Variants in GLYAT observed in about 807,000 individuals in gnomAD.
GLYAT encodes the protein glycine-N-acyltransferase.
A neutral mutation model predicts 22.8 loss-of-function variants in GLYAT; 25 were observed. The observed-to-expected ratio is 1.09, with a 90% confidence interval of 0.80 to 1.53. The LOEUF (loss-of-function observed/expected upper bound fraction) is 1.53. GLYAT is among the 40% of genes most tolerant of loss of function. The pLI is 0.00. For missense variants in GLYAT, 411 were observed against 353.9 expected (o/e 1.16, Z -1.29); for synonymous variants, 140 against 122.7 (o/e 1.14, Z -0.93).
chr11:58,723,364 T>G (rs974441305), intron 2 of GLYAT, among the ~76,000 whole-genome samples: 2 of 152,094 alleles, frequency 1.3e-5, no homozygotes, highest in Non-Finnish European at 2.9e-5. Context: ...GTGGGTAACT[T>G]TAGATTTGGA....
intron 1 of GLYAT, among the ~76,000 whole-genome samples, 193 bp downstream of exon 1, chr11:58,731,642 A>C (rs1856872837): frequency 6.6e-6 from 1 of 152,206 alleles, no homozygotes; most frequent in Admixed American, 6.6e-5. Context: ...TTATGAAGCA[A>C]ATTAATATAT....
In GLYAT at chr11:58,709,779, C is replaced by T. The variant is rs1368437872; in HGVS notation, c.878G>A (p.Cys293Tyr). Residue 293 changes from cysteine (C) to tyrosine (Y), a missense_variant, in exon 6 of 6, where the codon TGT becomes TAT. Cys to Tyr is a radical substitution (Grantham distance 194). Coordinates refer to ENST00000344743, the MANE Select transcript of GLYAT (RefSeq NM_201648.3). ...TCAGGATTGGCATCACAGAGGTACA[C>T]AGTTCCACTGGTTCCAGCTTCTGGG... ...PIPRSWNQWN[C>Y]VPL 1.9e-6 allele frequency: 3 copies of T among 1,610,524 alleles called. No homozygotes were observed. Among genetic ancestry groups the T allele is most frequent in the South Asian group, 2.2e-5 (2 of 90,274 alleles).
chr11:58,726,858 G>A (rs1856815946), intron 1 of GLYAT, among the ~76,000 whole-genome samples: 1 of 152,082 alleles, frequency 6.6e-6, no homozygotes, highest in Non-Finnish European at 1.5e-5. Flanking sequence ...TACAAAAACA[G>A]CAATGCTTGG....
rs767372070 is a variant in GLYAT, at chr11:58,712,813, T to C, written c.263A>G (p.Glu88Gly). ...GATGAGTTCTGGTGATCCAAGGAATTCCTGACAGTTTTGGGGATCTTTGGA... is the reference window on the plus strand; with the variant it reads ...GATGAGTTCTGGTGATCCAAGGAATCCCTGACAGTTTTGGGGATCTTTGGA... ...IYSKDPQNCQ[E>G]FLGSPELINW... Residue 88 changes from glutamate (E) to glycine (G), a missense_variant, in exon 4 of 6, where the codon GAA becomes GGA. Coordinates refer to ENST00000344743, the MANE Select transcript of GLYAT (RefSeq NM_201648.3). 3.7e-6 allele frequency: 6 copies of C among 1,611,622 alleles called. No homozygotes were observed. Among genetic ancestry groups the C allele is most frequent in the Non-Finnish European group, 1.7e-6 (2 of 1,177,826 alleles).
chr11:58,721,301 G>A (rs2134490461), intron 2 of GLYAT, among the ~76,000 whole-genome samples: 1 of 151,874 alleles, frequency 6.6e-6, no homozygotes, highest in South Asian at 2.1e-4. Flanking sequence ...GGTACAGAGA[G>A]AAAAAGTCTG....
intron 1 of GLYAT, among the ~76,000 whole-genome samples, chr11:58,730,887 G>A (rs1206178971): frequency 6.6e-6 from 1 of 152,130 alleles, no homozygotes; most frequent in African/African-American, 2.4e-5. Context: ...TTCCAACAGA[G>A]TGATGCAACC....
At chr11:58,725,087 T>C (rs570955293) in intron 1 of GLYAT, among the ~76,000 whole-genome samples, 14 of 152,252 alleles carry the variant, frequency 9.2e-5, no homozygotes, top group African/African-American at 3.4e-4. Flanking sequence ...ATATATTGCA[T>C]GATGTTTTGA....
At position 58,724,483 on chromosome 11, in the gene GLYAT, A is replaced by G; in HGVS notation, c.14T>C (p.Leu5Ser). 1 of 1,603,314 alleles carries G rather than the reference A, an allele frequency of 6.2e-7. No individual in the cohort carries two copies. Among genetic ancestry groups the G allele is most frequent in the Non-Finnish European group, 8.5e-7 (1 of 1,171,382 alleles). Residue 5 changes from leucine to serine, a missense_variant, in exon 2 of 6, where the codon TTG becomes TCG. Leu to Ser is a moderately radical substitution (Grantham distance 145). Transcript: ENST00000344743. ...CATCTGCAGCATCTGGGCACCTTGC[A>G]ATGGTAACATCATGGAGGATACCTT... MMLP[L>S]QGAQMLQMLE...
Position 58,709,874 on chromosome 11 carries a change from GAC to G in GLYAT, c.781_782del (p.Val261LeufsTer9), listed in dbSNP as rs1856588470. ...AQKLGKLGFP[V>X]YSHVDYSNEA... ...CATTGCTGTAGTCTACATGAGAATA[GAC>G]AGGAAACCCAAGTTTGCCCAATTTC... On this transcript the variant is annotated frameshift_variant, in exon 6 of 6. Transcript: ENST00000344743. LOFTEE classifies it low-confidence loss of function (END_TRUNC). 1 of 1,614,004 alleles carries G rather than the reference GAC, an allele frequency of 6.2e-7. No individual in the cohort carries two copies. The highest frequency in any genetic ancestry group is 1.3e-5 in the African/African-American group (1 of 74,930).
At chr11:58,723,250 A>C (rs186170799) in intron 2 of GLYAT, among the ~76,000 whole-genome samples, 1 of 152,212 alleles carries the variant, frequency 6.6e-6, no homozygotes, top group Non-Finnish European at 1.5e-5. Flanking sequence ...GCCTTCCAAA[A>C]AAAATGTTCT....
chr11:58,712,848 G>T lies in GLYAT; in HGVS notation c.228C>A (p.Tyr76Ter), dbSNP rs781594807. The T allele has an allele frequency of 9.3e-6, 15 of 1,606,454 alleles. No homozygotes were observed. The East Asian group carries it at 3.1e-4, about 33-fold the overall frequency. The change falls in exon 4 of 6, where the codon TAC (tyrosine) becomes TAA (stop). Residue 76 changes from tyrosine (Y) to a stop codon, truncating the protein, a stop_gained. Coordinates refer to ENST00000344743, the MANE Select transcript of GLYAT (RefSeq NM_201648.3). LOFTEE classifies it high-confidence loss of function. ...TDDLDHYTNT[Y>*]QIYSKDPQNC... ...TTTGGGGATCTTTGGAGTAGATTTG[G>T]TAAGTATTGGTATAGTGATCAAGGT... is the stretch of plus-strand genomic sequence containing the variant.
At chr11:58,721,123 A>AT (rs1419613850) in intron 2 of GLYAT, among the ~76,000 whole-genome samples, 1 of 151,954 alleles carries the variant, frequency 6.6e-6, no homozygotes, top group South Asian at 2.1e-4. Context: ...ACGGAAGTAC[A>AT]TTTTATAGAT....
chr11:58,717,778 T>C (rs1299515120), intron 2 of GLYAT, among the ~76,000 whole-genome samples: 1 of 152,086 alleles, frequency 6.6e-6, no homozygotes, highest in African/African-American at 2.4e-5. Flanking sequence ...GTTTGCTTTA[T>C]TATACTTGGC....
intron 4 of GLYAT, among the ~76,000 whole-genome samples, chr11:58,711,100 C>G (rs1465539912): frequency 4.6e-5 from 7 of 152,214 alleles, no homozygotes; most frequent in Non-Finnish European, 8.8e-5. Flanking sequence ...AATATTTACC[C>G]TGGCATACTT....
At chr11:58,719,875 A>T (rs1488604747) in intron 2 of GLYAT, among the ~76,000 whole-genome samples, 1 of 152,030 alleles carries the variant, frequency 6.6e-6, no homozygotes, top group African/African-American at 2.4e-5. Context: ...TAACTTGATC[A>T]TATAAACTTT....
intron 5 of GLYAT, 96 bp downstream of exon 5, chr11:58,710,494 C>T: frequency 1.0e-6 from 1 of 954,798 alleles, no homozygotes; most frequent in South Asian, 1.4e-5. Flanking sequence ...CTTTGTACAA[C>T]ATTGATTGTA....
rs1411411265 is a variant in GLYAT, at chr11:58,712,778, G to C, written c.298C>G (p.Gln100Glu). 3.7e-6 allele frequency: 6 copies of C among 1,612,786 alleles called. No homozygotes were observed. The highest frequency in any genetic ancestry group is 5.1e-6 in the Non-Finnish European group (6 of 1,178,998). ...TACTTACTTTGAATCTGTAAATGCT[G>C]TTTCCAGTTGATGAGTTCTGGTGAT... is the stretch of plus-strand genomic sequence containing the variant. Reference protein sequence around the residue: ...LGSPELINWKQHLQIQSSQPS... With the variant: ...LGSPELINWKEHLQIQSSQPS... The change falls in exon 4 of 6, where the codon CAG becomes GAG. Residue 100 changes from glutamine (Q) to glutamate (E), a missense_variant. Transcript: ENST00000344743.
At chr11:58,717,813 A>G (rs1026091139) in intron 2 of GLYAT, among the ~76,000 whole-genome samples, 1 of 152,072 alleles carries the variant, frequency 6.6e-6, no homozygotes, top group Non-Finnish European at 1.5e-5. Flanking sequence ...ACAGTGCAGC[A>G]AGAATAATTA....
At chr11:58,712,482 C>T (rs559193566) in intron 4 of GLYAT, among the ~76,000 whole-genome samples, 1 of 152,250 alleles carries the variant, frequency 6.6e-6, no homozygotes, top group South Asian at 2.1e-4. Context: ...TCTTCTTCAG[C>T]ATCCAATCAC....
Sources: allele counts gnomAD v4.1 joint callset (sites outside exome capture counted in the v4.1 genomes callset), GRCh38; gene constraint gnomAD v4.1.1; transcripts MANE v1.5; gene names NCBI Gene and HGNC (gene_info 2026-07-23, HGNC 2026-07-21).